PCNX2: variants seen among roughly 807,000 people sequenced by gnomAD.
PCNX2 encodes the protein pecanex 2, also known as pecanex-like protein 2.
A neutral mutation model predicts 223.8 loss-of-function variants in PCNX2; 168 were observed. The ratio of observed to expected loss-of-function variants is 0.75; its 90% CI spans 0.66 to 0.85. The LOEUF is 0.85. Ranked by LOEUF, PCNX2 falls within the 40% of genes least tolerant of loss-of-function variation. The probability of loss-of-function intolerance (pLI) is 0.00; values close to 1 mark genes in which losing one functional copy is unlikely to be tolerated. For missense variants in PCNX2, 2,507 were observed against 2,675.5 expected (o/e 0.94, Z 1.39); for synonymous variants, 1,006 against 1,052.6 (o/e 0.96, Z 0.86).
At chr1:233,273,473 T>C (rs1007914677) in intron 1 of PCNX2, among the ~76,000 whole-genome samples, 7 of 152,130 alleles carry the variant, frequency 4.6e-5, no homozygotes, top group African/African-American at 1.4e-4. Flanking sequence ...TAGTAAGAAG[T>C]CAGATGTTGG....
chr1:233,252,215 A>AGGC (rs1659497479), intron 7 of PCNX2, 139 bp downstream of exon 7: 1 of 995,888 alleles, frequency 1.0e-6, no homozygotes, highest in Non-Finnish European at 1.4e-6. Flanking sequence ...ACTCCATTCA[A>AGGC]AGAACAGTAT....
At chr1:233,117,625 AC>A (rs914020723) in intron 21 of PCNX2, among the ~76,000 whole-genome samples, 2 of 150,978 alleles carry the variant, frequency 1.3e-5, no homozygotes, top group Non-Finnish European at 3.0e-5. Flanking sequence ...AAAGACCACA[AC>A]CCCCATACAC....
chr1:233,047,951 T>C (rs774844096), intron 25 of PCNX2, among the ~76,000 whole-genome samples: 3 of 152,088 alleles, frequency 2.0e-5, no homozygotes, highest in African/African-American at 4.8e-5. Flanking sequence ...ATCAACCACA[T>C]GCTCAGCCAT....
chr1:233,185,325 G>A (rs1031438044), intron 15 of PCNX2, among the ~76,000 whole-genome samples: 1 of 152,056 alleles, frequency 6.6e-6, no homozygotes, highest in African/African-American at 2.4e-5. Flanking sequence ...GATCAAGCAA[G>A]GAGACAGGAA....
chr1:233,285,020 C>T (rs1471776868), intron 1 of PCNX2: 1 of 985,010 alleles, frequency 1.0e-6, no homozygotes, highest in African/African-American at 1.7e-5. Flanking sequence ...CTAACCATAC[C>T]CCTGACATCC....
At chr1:233,180,398 GTC>G (rs1679718540) in intron 15 of PCNX2, among the ~76,000 whole-genome samples, 1 of 152,124 alleles carries the variant, frequency 6.6e-6, no homozygotes, top group Non-Finnish European at 1.5e-5. Flanking sequence ...ACACAAACAT[GTC>G]TCTCATACAC....
At chr1:233,219,846 A>C (rs1657262581) in intron 10 of PCNX2, among the ~76,000 whole-genome samples, 1 of 152,096 alleles carries the variant, frequency 6.6e-6, no homozygotes, top group Non-Finnish European at 1.5e-5. Flanking sequence ...GGTGGTGTAC[A>C]TTGGGTTTTG....
At chr1:233,305,185 A>G in the PCNX2 span, among the ~76,000 whole-genome samples, 6 of 152,200 alleles carry the variant, frequency 3.9e-5, no homozygotes, top group African/African-American at 1.4e-4. Context: ...AATATTTTGT[A>G]TATAGCTCCT....
rs112821382 is a variant in PCNX2, at chr1:233,222,521, G to A, written c.2505-4337C>T. Among the ~76,000 whole-genome samples the A allele has an allele frequency of 7.4e-3, 1,131 of 152,106 alleles. 13 individuals are homozygous for A. The highest frequency in any genetic ancestry group is 0.025 in the African/African-American group (1,033 of 41,476). On this transcript the variant is annotated intron_variant, in intron 10 of 33. Coordinates refer to ENST00000258229, the MANE Select transcript of PCNX2 (RefSeq NM_014801.4). Reference sequence around the variant, plus strand: ...AGCCTAGGCAACAGTCTAGGCAAATGAGTCTAGCAATGTGAGAAGTTAAAA... The same window carrying A: ...AGCCTAGGCAACAGTCTAGGCAAATAAGTCTAGCAATGTGAGAAGTTAAAA...
chr1:233,177,707 T>C, intron 17 of PCNX2, 95 bp downstream of exon 17: 1 of 1,067,428 alleles, frequency 9.4e-7, no homozygotes, highest in South Asian at 1.5e-5. Flanking sequence ...TCCTAGTCCT[T>C]CTCATGTCCA....
At chr1:233,014,268 G>C (rs1192963073) in intron 28 of PCNX2, among the ~76,000 whole-genome samples, 1 of 152,202 alleles carries the variant, frequency 6.6e-6, no homozygotes, top group African/African-American at 2.4e-5. Context: ...CTAGAGCTCA[G>C]ATGTGAGGAT....
intron 15 of PCNX2, 56 bp from the exon 16 acceptor site, chr1:233,179,231 T>A: frequency 3.9e-6 from 6 of 1,549,942 alleles, no homozygotes; most frequent in Non-Finnish European, 5.3e-6. Context: ...AATAGCAGGA[T>A]CTCTATCAGA....
At chr1:232,988,137 C>T (rs3766496) in intron 32 of PCNX2, among the ~76,000 whole-genome samples, 31,720 of 152,126 alleles carry the variant, frequency 0.21, 3,345 homozygotes, top group Non-Finnish European at 0.23. Flanking sequence ...ATAAGGAGGG[C>T]GATTTGTTAG....
In PCNX2 at chr1:232,998,581, G is replaced by A. The variant is rs1054870270; in HGVS notation, c.5604-143C>T. On this transcript the variant is annotated intron_variant, in intron 31 of 33. Transcript: ENST00000258229. The stretch of plus-strand genomic sequence containing the variant: ...CCACCTGGCATGCTGGTGGGAAGAG[G>A]GGCTGTTGTTCCCAAACCTCAGCAT... The A allele has an allele frequency of 7.6e-6, 6 of 791,820 alleles. No individual in the cohort carries two copies. In the African/African-American group the frequency reaches 1.1e-4, roughly 14 times the overall value. 49.0% of individuals were successfully genotyped at this position (791,820 alleles called of 1,614,324 possible).
chr1:233,234,697 A>G (rs1658279820), intron 9 of PCNX2, among the ~76,000 whole-genome samples: 1 of 152,196 alleles, frequency 6.6e-6, no homozygotes, highest in African/African-American at 2.4e-5. Context: ...TCATGAAATC[A>G]ATGGCATTCA....
intron 8 of PCNX2, among the ~76,000 whole-genome samples, chr1:233,249,255 GA>G (rs1558390202): frequency 1.3e-5 from 2 of 152,140 alleles, no homozygotes; most frequent in Non-Finnish European, 1.5e-5. Context: ...ATCCTGGGGG[GA>G]AAAAATTAAA....
intron 32 of PCNX2, among the ~76,000 whole-genome samples, chr1:232,994,643 T>C (rs1464803483): frequency 6.6e-6 from 1 of 152,104 alleles, no homozygotes; most frequent in Non-Finnish European, 1.5e-5. Flanking sequence ...GGCATAATAA[T>C]ATGGTTGAGC....
chr1:233,294,845 C>G (rs1169177664), intron 1 of PCNX2, among the ~76,000 whole-genome samples: 1 of 151,690 alleles, frequency 6.6e-6, no homozygotes, highest in Admixed American at 6.6e-5. Context: ...ATGTGAGTAA[C>G]TGATAACTGA....
At chr1:233,065,670 G>A (rs1180145720) in intron 23 of PCNX2, 1 of 149,760 alleles carries the variant, frequency 6.7e-6, no homozygotes, top group Non-Finnish European at 1.5e-5. Flanking sequence ...ACCTACAGAA[G>A]CAAAAGAAAA....
Sources: gnomAD v4.1 joint callset for allele counts (sites outside exome capture counted in the v4.1 genomes callset) on GRCh38, gnomAD v4.1.1 for gene constraint, MANE v1.5 for transcripts, NCBI Gene and HGNC (gene_info 2026-07-23, HGNC 2026-07-21) for gene names.